Variants in RCHY1 observed in about 807,000 individuals in gnomAD.
RCHY1 encodes RING finger and CHY zinc finger domain-containing protein 1.
Under a neutral mutation model 41.6 loss-of-function variants are expected in RCHY1, and 21 were observed. The observed-to-expected ratio is 0.51, with a 90% confidence interval of 0.36 to 0.73. The LOEUF is 0.73. Among genes scored for constraint, RCHY1 ranks in the 30% least tolerant of loss-of-function variants. The pLI is 0.00. For synonymous variants in RCHY1, 79 were observed against 102.9 expected (o/e 0.77, Z 1.41); for missense variants, 265 against 325.3 (o/e 0.81, Z 1.43).
At chr4:75,505,431 C>T (rs1724204670) in intron 3 of RCHY1, among the ~76,000 whole-genome samples, 1 of 152,164 alleles carries the variant, frequency 6.6e-6, no homozygotes, top group Non-Finnish European at 1.5e-5. Flanking sequence ...GAGATGTGTA[C>T]TTTGCAGTAA....
intron 3 of RCHY1, among the ~76,000 whole-genome samples, chr4:75,498,275 C>CA (rs1237938179): frequency 2.0e-5 from 3 of 151,602 alleles, no homozygotes; most frequent in African/African-American, 4.8e-5. Flanking sequence ...GATTGAACCA[C>CA]AAAAAAACCT....
At chr4:75,501,374 A>AGACAGTATTT (rs1723742587) in intron 3 of RCHY1, among the ~76,000 whole-genome samples, 1 of 152,252 alleles carries the variant, frequency 6.6e-6, no homozygotes, top group African/African-American at 2.4e-5. Context: ...ATTTGACTAA[A>AGACAGTATTT]GACAGTATTT....
At chr4:75,513,746 C>A (rs1267255530) in intron 1 of RCHY1, among the ~76,000 whole-genome samples, 2 of 152,202 alleles carry the variant, frequency 1.3e-5, no homozygotes, top group Non-Finnish European at 2.9e-5. Flanking sequence ...TACGTCTGAA[C>A]ATGTGCACTG....
intron 1 of RCHY1, among the ~76,000 whole-genome samples, chr4:75,511,485 C>T (rs1724872505): frequency 6.6e-6 from 1 of 152,106 alleles, no homozygotes; most frequent in Non-Finnish European, 1.5e-5. Context: ...GTAAAAAATG[C>T]TGTTCCATGA....
Position 75,482,455 on chromosome 4 carries a change from T to C in RCHY1, c.*83A>G. The C allele has an allele frequency of 7.6e-7, 1 of 1,319,574 alleles. No individual in the cohort carries two copies. Among genetic ancestry groups the C allele is most frequent in the African/African-American group, 1.5e-5 (1 of 67,032 alleles). The allele number at this position is 1,319,574 out of a possible 1,614,324, so 81.7% of individuals were successfully genotyped here. On this transcript the variant is annotated 3_prime_UTR_variant, in exon 9 of 9. Transcript: ENST00000324439. The stretch of plus-strand genomic sequence containing the variant: ...AAACACATCAACTCTAATGCATAGA[T>C]GACGACACATGATAACACGATACCA...
intron 8 of RCHY1, among the ~76,000 whole-genome samples, chr4:75,489,233 G>A (rs1722528259): frequency 1.3e-5 from 2 of 152,122 alleles, no homozygotes; most frequent in Non-Finnish European, 2.9e-5. Context: ...ATCCTGGGAA[G>A]ACAATCAAAA....
intron 8 of RCHY1, among the ~76,000 whole-genome samples, chr4:75,487,655 A>AT (rs1722258545): frequency 3.2e-5 from 1 of 31,060 alleles, no homozygotes; most frequent in South Asian, 7.7e-4. Flanking sequence ...ATATATTCAT[A>AT]ATATATATAT....
intron 1 of RCHY1, among the ~76,000 whole-genome samples, chr4:75,511,057 TC>T (rs1410494698): frequency 2.6e-5 from 4 of 152,174 alleles, no homozygotes; most frequent in Non-Finnish European, 5.9e-5. Context: ...TGAAATCGTA[TC>T]AAGGAATATG....
chr4:75,509,984 C>T (rs531777404), intron 1 of RCHY1, among the ~76,000 whole-genome samples: 1 of 152,262 alleles, frequency 6.6e-6, no homozygotes, highest in South Asian at 2.1e-4. Context: ...GCAACCTCTT[C>T]TTAGACATTT....
At position 75,480,686 on chromosome 4, in the gene RCHY1, G is replaced by A. The variant is rs1721456066; in HGVS notation, c.*1852C>T. 1 of 152,156 alleles carries A rather than the reference G, an allele frequency of 6.6e-6. No homozygotes were observed. Among genetic ancestry groups the A allele is most frequent in the Non-Finnish European group, 1.5e-5 (1 of 68,028 alleles). 9.4% of individuals were successfully genotyped at this position (152,156 alleles called of 1,614,324 possible). A position where few individuals can be genotyped will look rare whatever the true frequency, so the allele number is the denominator to read the frequency against. The stretch of plus-strand genomic sequence containing the variant: ...TTAAAAACAATAACATGATTGGTTT[G>A]GCAGAATAATACCAAACATAAAAAG... On this transcript the variant is annotated 3_prime_UTR_variant, in exon 9 of 9. Coordinates refer to ENST00000324439, the MANE Select transcript of RCHY1 (RefSeq NM_015436.4).
At chr4:75,497,107 A>G (rs572625832) in intron 3 of RCHY1, among the ~76,000 whole-genome samples, 1 of 152,132 alleles carries the variant, frequency 6.6e-6, no homozygotes, top group African/African-American at 2.4e-5. Flanking sequence ...CAAAAAGGTT[A>G]GTCAACTTGA....
intron 3 of RCHY1, among the ~76,000 whole-genome samples, chr4:75,495,418 T>C (rs1391788626): frequency 5.9e-5 from 9 of 152,046 alleles, no homozygotes; most frequent in African/African-American, 2.2e-4. Context: ...TCTTCTACAA[T>C]GATAGGGTAT....
chr4:75,482,530 T>C lies in RCHY1; in HGVS notation c.*8A>G. ...AAATGCCAAGTTCTCCAGTACTGTG[T>C]AGGCTCGTCATTGCTGATCCAGTGA... On this transcript the variant is annotated 3_prime_UTR_variant, in exon 9 of 9. Coordinates refer to ENST00000324439, the MANE Select transcript of RCHY1 (RefSeq NM_015436.4). The C allele has an allele frequency of 6.2e-7, 1 of 1,604,938 alleles. No individual in the cohort carries two copies. Among genetic ancestry groups the C allele is most frequent in the Non-Finnish European group, 8.5e-7 (1 of 1,175,544 alleles).
chr4:75,490,582 T>C lies in RCHY1; in HGVS notation c.656A>G (p.Asp219Gly). ...MPSEYQNMTV[D>G]ILCNDCNGRS... is the part of the protein sequence containing the mutation. The stretch of plus-strand genomic sequence containing the variant: ...GTTTTAAGTATTGATTCTACTCACA[T>C]CCACAGTCATGTTCTGATATTCTGA... Residue 219 changes from aspartate to glycine, a missense_variant and splice_region_variant, in exon 8 of 9, where the codon GAT (aspartate) becomes GGT (glycine). Physicochemically the swap from Asp to Gly is moderately conservative, Grantham distance 94. Coordinates refer to ENST00000324439, the MANE Select transcript of RCHY1 (RefSeq NM_015436.4). 1 of 1,610,728 alleles carries C rather than the reference T, an allele frequency of 6.2e-7. No homozygotes were observed. The highest frequency in any genetic ancestry group is 8.5e-7 in the Non-Finnish European group (1 of 1,178,366).
Position 75,483,063 on chromosome 4 carries a change from C to A in RCHY1, c.658-397G>T, listed in dbSNP as rs371946175. Reference sequence around the variant, plus strand: ...TCAATTAATAAAACCAAAATTTTTACACAAATAATATTTTTGCTTATTTTT... The same window carrying A: ...TCAATTAATAAAACCAAAATTTTTAAACAAATAATATTTTTGCTTATTTTT... On this transcript the variant is annotated intron_variant, in intron 8 of 8. Coordinates refer to ENST00000324439, the MANE Select transcript of RCHY1 (RefSeq NM_015436.4). 9.2e-5 allele frequency among the ~76,000 whole-genome samples: 14 copies of A among 152,160 alleles called. No individual in the cohort carries two copies. In the East Asian group the frequency reaches 1.9e-3, roughly 21 times the overall value.
chr4:75,491,404 G>C, intron 7 of RCHY1: 1 of 427,490 alleles, frequency 2.3e-6, no homozygotes, highest in East Asian at 3.6e-5. Flanking sequence ...GAGGAGACAA[G>C]ATTTAAGAGA....
At chr4:75,506,084 A>G (rs1724269590) in intron 3 of RCHY1, among the ~76,000 whole-genome samples, 1 of 145,352 alleles carries the variant, frequency 6.9e-6, no homozygotes, top group South Asian at 2.2e-4. Flanking sequence ...ATGTCCTAGG[A>G]GCATAAGAAT....
In RCHY1 at chr4:75,480,052, A is replaced by C. The variant is rs1721401388; in HGVS notation, c.*2486T>G. On this transcript the variant is annotated 3_prime_UTR_variant, in exon 9 of 9. Coordinates refer to ENST00000324439, the MANE Select transcript of RCHY1 (RefSeq NM_015436.4). ...TTGCATACTGAATGGTAAGGGATGT[A>C]GATTTTATTCTTATTGTGAATGAGA... is the stretch of plus-strand genomic sequence containing the variant. 1 of 152,194 alleles carries C rather than the reference A, an allele frequency of 6.6e-6. No individual in the cohort carries two copies. Among genetic ancestry groups the C allele is most frequent in the Non-Finnish European group, 1.5e-5 (1 of 68,026 alleles). The allele number at this position is 152,194 out of a possible 1,614,324, so 9.4% of individuals were successfully genotyped here.
At chr4:75,508,713 G>A (rs1344068443) in intron 3 of RCHY1, 107 bp downstream of exon 3, 1 of 566,096 alleles carries the variant, frequency 1.8e-6, no homozygotes, top group East Asian at 3.1e-5. Flanking sequence ...CACTTAAAAT[G>A]AATGTATCTT....
Sources: allele counts gnomAD v4.1 joint callset (sites outside exome capture counted in the v4.1 genomes callset), GRCh38; gene constraint gnomAD v4.1.1; transcripts MANE v1.5; gene names NCBI Gene and HGNC (gene_info 2026-07-23, HGNC 2026-07-21).